LRCH1: variants seen among roughly 807,000 people sequenced by gnomAD.
LRCH1 encodes leucine rich repeats and calponin homology domain containing 1, also known as leucine-rich repeat and calponin homology domain-containing protein 1.
In LRCH1, 23 loss-of-function variants were observed where a neutral mutation model predicts 94.9. The observed-to-expected ratio is 0.24, with a 90% CI of 0.17 to 0.34. The LOEUF is 0.34. Ranked by LOEUF, LRCH1 falls within the 10% of genes least tolerant of loss-of-function variation. The probability of loss-of-function intolerance (pLI) is 1.00; values close to 1 mark genes in which losing one functional copy is unlikely to be tolerated. For missense variants in LRCH1, 790 were observed against 945.9 expected (o/e 0.84, Z 2.16); for synonymous variants, 364 against 354.9 (o/e 1.03, Z -0.29).
intron 1 of LRCH1, among the ~76,000 whole-genome samples, chr13:46,622,282 T>C (rs2050889644): frequency 6.6e-6 from 1 of 151,780 alleles, no homozygotes. Context: ...TAATAGAGTA[T>C]ACCATTAACT....
chr13:46,560,764 A>C (rs2050121817), intron 1 of LRCH1, among the ~76,000 whole-genome samples: 1 of 152,232 alleles, frequency 6.6e-6, no homozygotes, highest in Non-Finnish European at 1.5e-5. Context: ...AGTCAGACTT[A>C]ATGTAGGAAA....
At chr13:46,562,893 C>A (rs1034583478) in intron 1 of LRCH1, among the ~76,000 whole-genome samples, 2 of 152,192 alleles carry the variant, frequency 1.3e-5, no homozygotes, top group African/African-American at 2.4e-5. Context: ...GGTAAGAGAG[C>A]CACATATACA....
At chr13:46,554,550 G>T (rs2050041962) in intron 1 of LRCH1, among the ~76,000 whole-genome samples, 1 of 152,224 alleles carries the variant, frequency 6.6e-6, no homozygotes, top group Admixed American at 6.5e-5. Context: ...TCCTGTGTGA[G>T]CCCGGCAAGT....
chr13:46,609,488 T>C (rs76959396), intron 1 of LRCH1, among the ~76,000 whole-genome samples: 3,343 of 152,270 alleles, frequency 0.022, 108 homozygotes, highest in African/African-American at 0.066. Context: ...TTTATAAACA[T>C]GTAGCTACTG....
At chr13:46,609,319 T>A (rs2050721633) in intron 1 of LRCH1, among the ~76,000 whole-genome samples, 4 of 152,236 alleles carry the variant, frequency 2.6e-5, no homozygotes, top group Admixed American at 1.3e-4. Flanking sequence ...TTCTTCATTC[T>A]TAGGGAGTGA....
chr13:46,692,435 T>C, intron 7 of LRCH1, 101 bp from the exon 8 acceptor site: 1 of 855,116 alleles, frequency 1.2e-6, no homozygotes, highest in Middle Eastern at 2.3e-4. Context: ...TTCAATATGA[T>C]ATTTGTGAGA....
At chr13:46,597,637 G>A (rs1269385289) in intron 1 of LRCH1, among the ~76,000 whole-genome samples, 1 of 152,200 alleles carries the variant, frequency 6.6e-6, no homozygotes, top group Non-Finnish European at 1.5e-5. Flanking sequence ...GATTACAGGC[G>A]TGAACCACCG....
chr13:46,590,242 A>C (rs956876602), intron 1 of LRCH1, among the ~76,000 whole-genome samples: 1 of 152,172 alleles, frequency 6.6e-6, no homozygotes, highest in African/African-American at 2.4e-5. Flanking sequence ...TTATTTTAAA[A>C]GACATGAACT....
intron 1 of LRCH1, among the ~76,000 whole-genome samples, chr13:46,588,777 A>G (rs370491631): frequency 6.6e-6 from 1 of 151,632 alleles, no homozygotes; most frequent in African/African-American, 2.4e-5. Context: ...ACTTTTTTGT[A>G]TATTTAGTAG....
intron 1 of LRCH1, among the ~76,000 whole-genome samples, chr13:46,607,637 CCTT>C (rs541395299): frequency 4.4e-4 from 67 of 151,548 alleles, no homozygotes; most frequent in African/African-American, 9.5e-4. Flanking sequence ...TCCTCCTCTT[CCTT>C]CTTCTTCTTT....
exon 19 of LRCH1, chr13:46,750,636 G>A: frequency 6.4e-7 from 1 of 1,551,084 alleles, no homozygotes. Flanking sequence ...CGTAACGAAG[G>A]CTCTGTTCAC....
At chr13:46,671,167 G>A (rs562052811) in intron 3 of LRCH1, among the ~76,000 whole-genome samples, 6 of 152,298 alleles carry the variant, frequency 3.9e-5, no homozygotes, top group African/African-American at 1.4e-4. Context: ...TTCGTCATGG[G>A]CTGTTTCTTC....
intron 1 of LRCH1, among the ~76,000 whole-genome samples, chr13:46,648,780 A>C (rs1030025796): frequency 2.0e-5 from 3 of 152,062 alleles, no homozygotes; most frequent in African/African-American, 7.2e-5. Flanking sequence ...CCCTTTTGCT[A>C]TTATCATAAA....
chr13:46,687,919 C>G lies in LRCH1; in HGVS notation c.890C>G (p.Ala297Gly). 6 of 1,613,204 alleles carry G rather than the reference C, an allele frequency of 3.7e-6. No individual in the cohort carries two copies. The highest frequency in any genetic ancestry group is 5.1e-6 in the Non-Finnish European group (6 of 1,179,432). Reference sequence around the variant, plus strand: ...ATACAAGCATGCCAGATTAAGACAGCTGACTCCCTTTATCTCCACACCATG... The same window carrying G: ...ATACAAGCATGCCAGATTAAGACAGGTGACTCCCTTTATCTCCACACCATG... ...LSIQACQIKTADSLYLHTMER... is the reference protein window; with the variant it reads ...LSIQACQIKTGDSLYLHTMER... Residue 297 changes from alanine to glycine, a missense_variant, in exon 6 of 20, where the codon GCT (alanine) becomes GGT (glycine). Physicochemically the swap from Ala to Gly is moderately conservative, Grantham distance 60 (BLOSUM62 0). Coordinates refer to ENST00000389797, the MANE Select transcript of LRCH1 (RefSeq NM_001164211.2).
At chr13:46,619,108 CTTCCT>C (rs1223457389) in intron 1 of LRCH1, among the ~76,000 whole-genome samples, 3,070 of 55,916 alleles carry the variant, frequency 0.055, 130 homozygotes, top group African/African-American at 0.22. Flanking sequence ...TCCTTCCTTC[CTTCCT>C]TTTTTTTGGT....
intron 2 of LRCH1, among the ~76,000 whole-genome samples, chr13:46,667,515 G>C (rs978747096): frequency 1.9e-5 from 2 of 103,002 alleles, no homozygotes; most frequent in Non-Finnish European, 4.2e-5. Flanking sequence ...ATCACACACC[G>C]GGGCCTGTCG....
At chr13:46,667,172 T>C (rs186896552) in intron 2 of LRCH1, among the ~76,000 whole-genome samples, 2 of 152,280 alleles carry the variant, frequency 1.3e-5, no homozygotes, top group African/African-American at 4.8e-5. Context: ...AGAGAAGATA[T>C]GACTGTATCT....
At chr13:46,696,861 G>A (rs925168871) in intron 9 of LRCH1, among the ~76,000 whole-genome samples, 4 of 152,078 alleles carry the variant, frequency 2.6e-5, no homozygotes, top group Non-Finnish European at 4.4e-5. Flanking sequence ...TTGAGCCCAG[G>A]AGTTCAAGAT....
At chr13:46,649,728 C>T (rs2051267804) in intron 1 of LRCH1, among the ~76,000 whole-genome samples, 2 of 151,406 alleles carry the variant, frequency 1.3e-5, no homozygotes, top group South Asian at 4.2e-4. Context: ...ACTCGAGAGG[C>T]TGAGGTAGAA....
Sources: gnomAD v4.1 joint callset for allele counts (sites outside exome capture counted in the v4.1 genomes callset) on GRCh38, gnomAD v4.1.1 for gene constraint, MANE v1.5 for transcripts, NCBI Gene and HGNC (gene_info 2026-07-23, HGNC 2026-07-21) for gene names.